Variants in ATF7IP observed in about 807,000 individuals in gnomAD.
ATF7IP encodes activating transcription factor 7-interacting protein 1.
Under a neutral mutation model 106.4 loss-of-function variants are expected in ATF7IP, and 23 were observed. That is an observed-to-expected ratio of 0.22 (90% CI 0.16 to 0.31). ATF7IP has a LOEUF of 0.31. Among genes scored for constraint, ATF7IP ranks in the 10% least tolerant of loss-of-function variants. The pLI, the probability that ATF7IP is intolerant of heterozygous loss-of-function variation, is 1.00. For synonymous variants in ATF7IP, 542 were observed against 539.0 expected (o/e 1.01, Z -0.08); for missense variants, 1,334 against 1,524.3 (o/e 0.88, Z 2.08).
intron 8 of ATF7IP, among the ~76,000 whole-genome samples, chr12:14,460,046 GT>G (rs1943580263): frequency 6.6e-6 from 1 of 152,060 alleles, no homozygotes; most frequent in South Asian, 2.1e-4. Context: ...AAGCCTACCT[GT>G]TATTCATTAA....
rs575354337 is a variant in ATF7IP at position 14,482,937 on chromosome 12, A to C, written c.3280+1752A>C. ...CTATTACATAAAGTTAACAATACTT[A>C]AATGTTGGTAGGAAGTCAATAAATC... On this transcript the variant is annotated intron_variant, in intron 13 of 14. Coordinates refer to ENST00000261168, the MANE Select transcript of ATF7IP (RefSeq NM_018179.5). Among the ~76,000 whole-genome samples the C allele has an allele frequency of 2.0e-5, 3 of 152,382 alleles. No homozygotes were observed. The East Asian group carries it at 5.8e-4, about 29-fold the overall frequency.
intron 10 of ATF7IP, 76 bp downstream of exon 10, chr12:14,466,666 A>G: frequency 8.5e-7 from 1 of 1,172,426 alleles, no homozygotes; most frequent in Non-Finnish European, 1.2e-6. Context: ...TCATTCTTTG[A>G]TTGAATGAAA....
chr12:14,442,454 C>T (rs1182047371), intron 5 of ATF7IP, among the ~76,000 whole-genome samples: 1 of 152,136 alleles, frequency 6.6e-6, no homozygotes, highest in Admixed American at 6.6e-5. Context: ...TAACACTTAG[C>T]CAATCGAGTC....
chr12:14,397,265 C>A (rs1479320993), intron 1 of ATF7IP, among the ~76,000 whole-genome samples: 2 of 152,122 alleles, frequency 1.3e-5, no homozygotes, highest in Non-Finnish European at 2.9e-5. Context: ...TGTGAATGAT[C>A]CAAAATTTGG....
At chr12:14,434,204 CA>C in intron 2 of ATF7IP, 132 bp from the exon 3 acceptor site, 1 of 591,814 alleles carries the variant, frequency 1.7e-6, no homozygotes. Context: ...TTCCCCTCCC[CA>C]AATTTTACAT....
chr12:14,390,424 T>C (rs1016720013), intron 1 of ATF7IP, among the ~76,000 whole-genome samples: 2 of 152,196 alleles, frequency 1.3e-5, no homozygotes, highest in Non-Finnish European at 2.9e-5. Flanking sequence ...AAATACTAAT[T>C]AGAAACATCT....
chr12:14,410,399 C>T (rs1940850055), intron 1 of ATF7IP, among the ~76,000 whole-genome samples: 1 of 152,102 alleles, frequency 6.6e-6, no homozygotes, highest in African/African-American at 2.4e-5. Flanking sequence ...TAGACGCTAC[C>T]CACCCATTAG....
intron 6 of ATF7IP, among the ~76,000 whole-genome samples, chr12:14,451,613 T>C (rs1049140566): frequency 6.6e-6 from 1 of 151,964 alleles, no homozygotes; most frequent in Admixed American, 6.6e-5. Flanking sequence ...CTTCTTTGAC[T>C]TGTTGGTTTT....
At chr12:14,462,400 A>G (rs1276981698) in intron 9 of ATF7IP, among the ~76,000 whole-genome samples, 2 of 151,900 alleles carry the variant, frequency 1.3e-5, no homozygotes, top group Non-Finnish European at 2.9e-5. Flanking sequence ...GTATTTTTTA[A>G]TGTCAGATCA....
chr12:14,442,890 C>T (rs1266677243), intron 5 of ATF7IP, among the ~76,000 whole-genome samples: 1 of 152,134 alleles, frequency 6.6e-6, no homozygotes, highest in Non-Finnish European at 1.5e-5. Flanking sequence ...TGTGATGGCT[C>T]ATGCTTGTAA....
Position 14,456,479 on chromosome 12 carries a change from G to C in ATF7IP, c.1996-82G>C. On this transcript the variant is annotated intron_variant, in intron 6 of 14. Transcript: ENST00000261168. ...AACAGTGACAGATAATATATTGACA[G>C]GCATCTACAGGTCTAATTTTTTTTT... 3.6e-6 allele frequency: 3 copies of C among 844,578 alleles called. No homozygotes were observed. In the South Asian group the frequency reaches 4.3e-5, roughly 12 times the overall value. 52.3% of individuals were successfully genotyped at this position (844,578 alleles called of 1,614,324 possible).
At position 14,501,879 on chromosome 12, in the gene ATF7IP, A is replaced by G. The variant is rs765983934; in HGVS notation, c.*3806A>G. The stretch of plus-strand genomic sequence containing the variant: ...TGCTTTAAATATTCTCCAAATTACC[A>G]TTTATGCAACATGGTTAGGGTTAAT... On this transcript the variant is annotated 3_prime_UTR_variant, in exon 15 of 15. Transcript: ENST00000261168. 5 of 152,164 alleles carry G rather than the reference A, an allele frequency of 3.3e-5. No homozygotes were observed. Among genetic ancestry groups the G allele is most frequent in the African/African-American group, 4.8e-5 (2 of 41,432 alleles). 9.4% of individuals were successfully genotyped at this position (152,164 alleles called of 1,614,324 possible).
intron 1 of ATF7IP, among the ~76,000 whole-genome samples, chr12:14,403,760 C>G (rs779391807): frequency 6.6e-6 from 1 of 152,186 alleles, no homozygotes; most frequent in East Asian, 1.9e-4. Flanking sequence ...TTTTTCTCCC[C>G]TGCTTCTCTC....
chr12:14,403,704 T>A (rs1258056667), intron 1 of ATF7IP, among the ~76,000 whole-genome samples: 3 of 152,360 alleles, frequency 2.0e-5, no homozygotes, highest in Admixed American at 1.3e-4. Flanking sequence ...AGCTTAGTTA[T>A]ATGTACTTGG....
Position 14,426,846 on chromosome 12 carries a change from AAAAAG to A in ATF7IP, c.1558+1374_1558+1378del, listed in dbSNP as rs1258616013. ...CTCAAAAAAAAAAAAAAAAAAAAAA[AAAAAG>A]GATGGCTTTTTATTTTCAAAGAGCA... On this transcript the variant is annotated intron_variant, in intron 2 of 14. Transcript: ENST00000261168. Among the ~76,000 whole-genome samples, 21 of 146,666 alleles carry A rather than the reference AAAAAG, an allele frequency of 1.4e-4. 1 individual carries two copies. Among genetic ancestry groups the A allele is most frequent in the Admixed American group, 2.8e-4 (4 of 14,374 alleles).
intron 14 of ATF7IP, among the ~76,000 whole-genome samples, chr12:14,497,318 A>T (rs1945041300): frequency 6.6e-6 from 1 of 152,220 alleles, no homozygotes; most frequent in South Asian, 2.1e-4. Flanking sequence ...AACATAGATA[A>T]TTCAATCATA....
chr12:14,428,780 C>T (rs1381592562), intron 2 of ATF7IP, among the ~76,000 whole-genome samples: 1 of 151,804 alleles, frequency 6.6e-6, no homozygotes, highest in East Asian at 1.9e-4. Context: ...GTATCAGCAG[C>T]AACAAGAAAT....
At chr12:14,422,352 CACACAA>C (rs1454916013) in intron 1 of ATF7IP, among the ~76,000 whole-genome samples, 5 of 132,916 alleles carry the variant, frequency 3.8e-5, no homozygotes, top group Non-Finnish European at 6.7e-5. Flanking sequence ...CACACACACA[CACACAA>C]CCTTTGTATT....
chr12:14,434,512 C>T (rs1440652131), intron 3 of ATF7IP, 89 bp downstream of exon 3: 4 of 908,216 alleles, frequency 4.4e-6, no homozygotes, highest in Non-Finnish European at 6.7e-6. Flanking sequence ...CTTTTTTGCC[C>T]ATGAAATAAT....
Sources: gnomAD v4.1 joint callset for allele counts (sites outside exome capture counted in the v4.1 genomes callset) on GRCh38, gnomAD v4.1.1 for gene constraint, MANE v1.5 for transcripts, NCBI Gene and HGNC (gene_info 2026-07-23, HGNC 2026-07-21) for gene names.